Variants in SRSF12 observed in about 807,000 individuals in gnomAD.
SRSF12 encodes serine/arginine-rich splicing factor 12.
SRSF12 carries 21 observed loss-of-function variants against 34.1 expected under a neutral mutation model. The observed-to-expected ratio is 0.62, with a 90% CI of 0.44 to 0.89. SRSF12 has a LOEUF of 0.89. Among genes scored for constraint, SRSF12 ranks in the 40% least tolerant of loss-of-function variants. The pLI is 0.00. For synonymous variants in SRSF12, 111 were observed against 110.8 expected (o/e 1.00, Z -0.01); for missense variants, 278 against 327.8 (o/e 0.85, Z 1.17).
At chr6:89,099,394 CT>C (rs1346116153) in intron 4 of SRSF12, among the ~76,000 whole-genome samples, 1 of 64,640 alleles carries the variant, frequency 1.5e-5, no homozygotes, top group African/African-American at 5.8e-5. Flanking sequence ...AGCTCTCTCT[CT>C]CTCTCTCCAT....
In SRSF12 at chr6:89,098,776, C is replaced by T. The variant is rs1768371988; in HGVS notation, c.588G>A (p.Gln196=). The T allele has an allele frequency of 6.2e-7, 1 of 1,613,938 alleles. No individual in the cohort carries two copies. The highest frequency in any genetic ancestry group is 8.5e-7 in the Non-Finnish European group (1 of 1,179,882). Residue 196 remains glutamine, a synonymous_variant, in exon 5 of 5, where the codon CAG becomes CAA. Transcript: ENST00000452027. ...TAGTCTGCTTTTGAGGTGAACTTGA[C>T]TGTGATTTTCCTATTGACTTGGACC... is the stretch of plus-strand genomic sequence containing the variant. The part of the protein sequence containing the change: ...QKRSKSIGKS[Q]SSSPQKQTSS...
chr6:89,105,517 G>A lies in SRSF12; in HGVS notation c.184C>T (p.Arg62Ter), dbSNP rs768267669. The A allele has an allele frequency of 1.9e-6, 3 of 1,602,838 alleles. No individual in the cohort carries two copies. Among genetic ancestry groups the A allele is most frequent in the Non-Finnish European group, 2.6e-6 (3 of 1,175,960 alleles). Reference sequence around the variant, plus strand: ...TTATAAAGAGCATCTTCAGCATCTCGAACATCTTCAAATATGACTAGCTGT... The same window carrying A: ...TTATAAAGAGCATCTTCAGCATCTCAAACATCTTCAAATATGACTAGCTGT... ...GFAYVQFEDV[R>*]DAEDALYNLN... Residue 62 changes from arginine (R) to a stop codon, truncating the protein, a stop_gained, in exon 3 of 5, where the codon CGA (arginine) becomes TGA (stop). Coordinates refer to ENST00000452027, the MANE Select transcript of SRSF12 (RefSeq NM_080743.5). LOFTEE classifies it high-confidence loss of function.
chr6:89,113,859 T>C (rs1769169868), intron 1 of SRSF12, among the ~76,000 whole-genome samples: 1 of 152,022 alleles, frequency 6.6e-6, no homozygotes, highest in African/African-American at 2.4e-5. Context: ...CCCTGGCTGG[T>C]TTCAAACTCC....
At chr6:89,116,363 T>C (rs1769293750) in intron 1 of SRSF12, among the ~76,000 whole-genome samples, 1 of 152,358 alleles carries the variant, frequency 6.6e-6, no homozygotes, top group African/African-American at 2.4e-5. Context: ...GTGTTTTCTA[T>C]GTAATATATT....
chr6:89,101,423 G>GA (rs1421419222), intron 4 of SRSF12, among the ~76,000 whole-genome samples: 1 of 152,028 alleles, frequency 6.6e-6, no homozygotes, highest in East Asian at 1.9e-4. Context: ...CAAAGTCAAA[G>GA]AAAAAATCTG....
rs970369212 is a variant in SRSF12 at position 89,097,744 on chromosome 6, T to C, written c.*834A>G. On this transcript the variant is annotated 3_prime_UTR_variant, in exon 5 of 5. Coordinates refer to ENST00000452027, the MANE Select transcript of SRSF12 (RefSeq NM_080743.5). ...GAGCAAGAACTCTAAAAAGAAAAAATTAAGCAACAGATGAAAAGTAGGTAT... is the reference window on the plus strand; with the variant it reads ...GAGCAAGAACTCTAAAAAGAAAAAACTAAGCAACAGATGAAAAGTAGGTAT... 6.6e-6 allele frequency: 1 copy of C among 152,100 alleles called. No individual in the cohort carries two copies. Among genetic ancestry groups the C allele is most frequent in the Non-Finnish European group, 1.5e-5 (1 of 68,004 alleles). The allele number at this position is 152,100 out of a possible 1,614,324, so 9.4% of individuals were successfully genotyped here.
intron 1 of SRSF12, 78 bp downstream of exon 1, chr6:89,117,745 G>C (rs978221945): frequency 2.9e-6 from 4 of 1,402,438 alleles, no homozygotes; most frequent in Non-Finnish European, 3.8e-6. Context: ...GCCTCCGCCG[G>C]GCCTCGGCCG....
In SRSF12 at chr6:89,097,393, A is replaced by G. The variant is rs1031845717; in HGVS notation, c.*1185T>C. On this transcript the variant is annotated 3_prime_UTR_variant, in exon 5 of 5. Coordinates refer to ENST00000452027, the MANE Select transcript of SRSF12 (RefSeq NM_080743.5). Reference sequence around the variant, plus strand: ...CACATTTTCAAAGAAATTATTAGTTATAACAACTACAAAAGCAATAAATAT... The same window carrying G: ...CACATTTTCAAAGAAATTATTAGTTGTAACAACTACAAAAGCAATAAATAT... 3.3e-5 allele frequency: 5 copies of G among 152,258 alleles called. No homozygotes were observed. Among genetic ancestry groups the G allele is most frequent in the Non-Finnish European group, 5.9e-5 (4 of 68,046 alleles). 9.4% of individuals were successfully genotyped at this position (152,258 alleles called of 1,614,324 possible).
intron 1 of SRSF12, among the ~76,000 whole-genome samples, chr6:89,110,663 T>C (rs1020557216): frequency 1.3e-5 from 2 of 152,212 alleles, no homozygotes; most frequent in Non-Finnish European, 2.9e-5. Context: ...AGGAAGTCAC[T>C]GTGAATCGGC....
Position 89,118,005 on chromosome 6 carries a change from G to C in SRSF12, c.-118C>G. 5 of 1,099,362 alleles carry C rather than the reference G, an allele frequency of 4.5e-6. No homozygotes were observed. Among genetic ancestry groups the C allele is most frequent in the South Asian group, 1.5e-5 (1 of 65,118 alleles). 68.1% of individuals were successfully genotyped at this position (1,099,362 alleles called of 1,614,324 possible). ...GCCCCCGGCGCGACCCCCACCCCTCGGCCTCAGCCCCGCCAGCGCGCAGCC... is the reference window on the plus strand; with the variant it reads ...GCCCCCGGCGCGACCCCCACCCCTCCGCCTCAGCCCCGCCAGCGCGCAGCC... On this transcript the variant is annotated 5_prime_UTR_variant, in exon 1 of 5. Transcript: ENST00000452027.
At chr6:89,106,410 G>A (rs768065259) in intron 2 of SRSF12, among the ~76,000 whole-genome samples, 1 of 152,130 alleles carries the variant, frequency 6.6e-6, no homozygotes, top group Non-Finnish European at 1.5e-5. Flanking sequence ...ACCGCACCCA[G>A]CCAAACATTT....
At chr6:89,116,043 A>G (rs909920770) in intron 1 of SRSF12, among the ~76,000 whole-genome samples, 10 of 152,240 alleles carry the variant, frequency 6.6e-5, no homozygotes, top group African/African-American at 2.4e-4. Flanking sequence ...TATATCAACA[A>G]TAAGTCCAGA....
chr6:89,098,027 A>G lies in SRSF12; in HGVS notation c.*551T>C, dbSNP rs1768340119. The G allele has an allele frequency of 1.3e-5, 2 of 152,356 alleles. No homozygotes were observed. Among genetic ancestry groups the G allele is most frequent in the Admixed American group, 6.5e-5 (1 of 15,272 alleles). 9.4% of individuals were successfully genotyped at this position (152,356 alleles called of 1,614,324 possible). A position where few individuals can be genotyped will look rare whatever the true frequency, so the allele number is the denominator to read the frequency against. On this transcript the variant is annotated 3_prime_UTR_variant, in exon 5 of 5. Transcript: ENST00000452027. ...ATATAACCTTTGAGCTTAGGAGAGA[A>G]TGTATCTTTTGAATGTTTGATCTCT...
chr6:89,108,884 T>C (rs1768914330), intron 1 of SRSF12, among the ~76,000 whole-genome samples: 1 of 152,210 alleles, frequency 6.6e-6, no homozygotes, highest in South Asian at 2.1e-4. Context: ...CAACAAAAAT[T>C]GACTAAGCAT....
intron 2 of SRSF12, chr6:89,106,927 T>G: frequency 1.8e-6 from 1 of 563,076 alleles, no homozygotes. Context: ...GAACTTTAGG[T>G]GCCTTTTGTC....
chr6:89,113,687 C>G (rs961837172), intron 1 of SRSF12, among the ~76,000 whole-genome samples: 2 of 152,018 alleles, frequency 1.3e-5, no homozygotes, highest in African/African-American at 4.8e-5. Flanking sequence ...CTCACTCTCA[C>G]CCCCGGAGTG....
chr6:89,115,318 G>C (rs1214984896), intron 1 of SRSF12, among the ~76,000 whole-genome samples: 1 of 152,060 alleles, frequency 6.6e-6, no homozygotes, highest in Admixed American at 6.6e-5. Context: ...GTCTCACTCT[G>C]TCGCCCAGGC....
intron 1 of SRSF12, among the ~76,000 whole-genome samples, chr6:89,111,989 A>G (rs1769071134): frequency 6.6e-6 from 1 of 152,214 alleles, no homozygotes; most frequent in African/African-American, 2.4e-5. Context: ...TCACCAGTGA[A>G]AAGAAACATA....
At chr6:89,114,774 G>A (rs1769214270) in intron 1 of SRSF12, among the ~76,000 whole-genome samples, 1 of 152,112 alleles carries the variant, frequency 6.6e-6, no homozygotes, top group East Asian at 1.9e-4. Context: ...GTATAAATAT[G>A]AAATTGCCAA....
Sources: allele counts gnomAD v4.1 joint callset (sites outside exome capture counted in the v4.1 genomes callset), GRCh38; gene constraint gnomAD v4.1.1; transcripts MANE v1.5; gene names NCBI Gene and HGNC (gene_info 2026-07-23, HGNC 2026-07-21).